Variants in NEMP2 observed in about 807,000 individuals in gnomAD.
NEMP2 encodes the protein UPF0571 transmembrane protein.
NEMP2 carries 53 observed loss-of-function variants against 54.2 expected under a neutral mutation model. That is an observed-to-expected ratio of 0.98 (90% CI 0.78 to 1.23). The LOEUF (loss-of-function observed/expected upper bound fraction) is 1.23, where lower values mean the gene tolerates loss of function less well. NEMP2 is among the 50% of genes most tolerant of loss of function. NEMP2 has a pLI of 0.00. For synonymous variants in NEMP2, 197 were observed against 190.3 expected, an observed-to-expected ratio of 1.04 and a Z score of -0.29; for missense variants, 455 against 511.3, an observed-to-expected ratio of 0.89 and a Z score of 1.06.
chr2:190,554,716 G>A, the NEMP2 span, among the ~76,000 whole-genome samples: 43,170 of 152,152 alleles, frequency 0.28, 6,901 homozygotes, highest in East Asian at 0.46. This position sits in a 1 kb window ranked among gnomAD's most constrained non-coding sequence, Gnocchi z 5.7. Context: ...GGGAAGGGGC[G>A]GTTGTGGAGG....
chr2:190,543,754 T>G, the NEMP2 span, among the ~76,000 whole-genome samples: 1 of 152,234 alleles, frequency 6.6e-6, no homozygotes, highest in South Asian at 2.1e-4. This position sits in a 1 kb window ranked among gnomAD's most constrained non-coding sequence, Gnocchi z 4.7. Context: ...CCCACCATTT[T>G]GGAACCAGAA....
the NEMP2 span, among the ~76,000 whole-genome samples, chr2:190,427,829 T>G: frequency 6.6e-6 from 1 of 152,118 alleles, no homozygotes; most frequent in Non-Finnish European, 1.5e-5. Context: ...CCTCCTGGGT[T>G]CAAGCGATTC....
At chr2:190,493,321 C>G in the NEMP2 span, among the ~76,000 whole-genome samples, 2 of 152,124 alleles carry the variant, frequency 1.3e-5, no homozygotes, top group Admixed American at 6.5e-5. Context: ...CCTTGCCCAA[C>G]AGGAAAATTT....
chr2:190,480,076 T>C, the NEMP2 span, among the ~76,000 whole-genome samples: 1 of 152,182 alleles, frequency 6.6e-6, no homozygotes, highest in Non-Finnish European at 1.5e-5. Flanking sequence ...GGTGGAAGGA[T>C]TGCTTGACCC....
At chr2:190,534,764 GAA>G, upstream of NEMP2, 4 of 822,566 alleles carry the variant, frequency 4.9e-6, no homozygotes, top group Non-Finnish European at 6.5e-6. Context: ...GGTGAGGCCC[GAA>G]CGCGGGAAAG....
chr2:190,605,240 T>G, the NEMP2 span, among the ~76,000 whole-genome samples: 2 of 152,140 alleles, frequency 1.3e-5, no homozygotes, highest in Non-Finnish European at 2.9e-5. Context: ...TGGCATGGTA[T>G]AGAGGACCAA....
the NEMP2 span, among the ~76,000 whole-genome samples, chr2:190,614,508 A>G: frequency 6.6e-6 from 1 of 152,218 alleles, no homozygotes; most frequent in South Asian, 2.1e-4. This position sits in a 1 kb window ranked among gnomAD's most constrained non-coding sequence, Gnocchi z 5.7. Flanking sequence ...ACACATACAT[A>G]AAGATATCTT....
the NEMP2 span, among the ~76,000 whole-genome samples, chr2:190,551,832 T>G: frequency 6.6e-6 from 1 of 152,218 alleles, no homozygotes; most frequent in African/African-American, 2.4e-5. Flanking sequence ...GTTGTTTTTA[T>G]GTATTAAAAA....
At chr2:190,632,099 T>C in the NEMP2 span, among the ~76,000 whole-genome samples, 5 of 152,140 alleles carry the variant, frequency 3.3e-5, no homozygotes, top group Non-Finnish European at 7.4e-5. The surrounding 1 kb of genome is among the most constrained non-coding windows in gnomAD (Gnocchi z 4.8). Flanking sequence ...AAAGACACTA[T>C]GGTCTTACTG....
the NEMP2 span, among the ~76,000 whole-genome samples, chr2:190,629,104 C>T: frequency 6.6e-6 from 1 of 152,174 alleles, no homozygotes; most frequent in Admixed American, 6.5e-5. Context: ...GCCCTGCTCA[C>T]TAACTCCTCC....
the NEMP2 span, among the ~76,000 whole-genome samples, chr2:190,557,503 C>T: frequency 0.011 from 1,713 of 152,174 alleles, 37 homozygotes; most frequent in African/African-American, 0.038. Context: ...AGCTTCTGCA[C>T]AGCAAAAGAA....
the NEMP2 span, among the ~76,000 whole-genome samples, chr2:190,604,892 C>T: frequency 1.1e-4 from 17 of 152,268 alleles, no homozygotes; most frequent in South Asian, 2.5e-3. The surrounding 1 kb of genome is among the most constrained non-coding windows in gnomAD (Gnocchi z 4.5). Context: ...CAAAACCGAA[C>T]GTAAAACTGT....
the NEMP2 span, among the ~76,000 whole-genome samples, chr2:190,586,273 T>C: frequency 0.73 from 111,157 of 152,094 alleles, 41,341 homozygotes; most frequent in Admixed American, 0.8. The surrounding 1 kb of genome is among the most constrained non-coding windows in gnomAD (Gnocchi z 4.5). Context: ...GTGTCTGACA[T>C]GTGATTGATA....
chr2:190,600,688 C>G, the NEMP2 span, among the ~76,000 whole-genome samples: 2 of 152,152 alleles, frequency 1.3e-5, no homozygotes, highest in African/African-American at 4.8e-5. This position sits in a 1 kb window ranked among gnomAD's most constrained non-coding sequence, Gnocchi z 4.9. Flanking sequence ...CACCTTTTGC[C>G]ATGAGTTGAA....
the NEMP2 span, among the ~76,000 whole-genome samples, chr2:190,578,768 G>A: frequency 6.6e-6 from 1 of 151,710 alleles, no homozygotes; most frequent in South Asian, 2.1e-4. This position sits in a 1 kb window ranked among gnomAD's most constrained non-coding sequence, Gnocchi z 4.4. Flanking sequence ...GTGGAGTGCA[G>A]GGGTGGAGGG....
chr2:190,503,772 G>A (rs1215031825), downstream of NEMP2, among the ~76,000 whole-genome samples: 1 of 152,238 alleles, frequency 6.6e-6, no homozygotes, highest in Non-Finnish European at 1.5e-5. The surrounding 1 kb of genome is among the most constrained non-coding windows in gnomAD (Gnocchi z 6.3). Context: ...GCAGTTGGGA[G>A]AGAGGCTGGT....
chr2:190,574,809 TCCC>T, the NEMP2 span, among the ~76,000 whole-genome samples: 1,106 of 114,690 alleles, frequency 9.6e-3, 19 homozygotes, highest in African/African-American at 0.034. Flanking sequence ...TTCCCTCCCT[TCCC>T]TCCCTTCCCC....
intron 5 of NEMP2, among the ~76,000 whole-genome samples, chr2:190,517,104 A>G (rs977324922): frequency 6.6e-6 from 1 of 151,702 alleles, no homozygotes; most frequent in Non-Finnish European, 1.5e-5. Context: ...AAAAAAAAAA[A>G]AAAAAAAGAA....
chr2:190,474,467 A>T, the NEMP2 span, among the ~76,000 whole-genome samples: 1 of 152,268 alleles, frequency 6.6e-6, no homozygotes, highest in Non-Finnish European at 1.5e-5. Flanking sequence ...AAAATCTAGA[A>T]GAAATGGATA....
Sources: gnomAD v4.1 joint callset for allele counts (sites outside exome capture counted in the v4.1 genomes callset) on GRCh38, gnomAD v4.1.1 for gene constraint, Gnocchi (gnomAD v3.1) non-coding constraint, MANE v1.5 for transcripts, NCBI Gene and HGNC (gene_info 2026-07-23, HGNC 2026-07-21) for gene names.